The following SIPA1L1 variants were observed in gnomAD, a reference collection of about 807,000 sequenced individuals.
SIPA1L1 encodes the protein signal-induced proliferation-associated 1-like protein 1.
Under a neutral mutation model 162.7 loss-of-function variants are expected in SIPA1L1, and 26 were observed. The ratio of observed to expected loss-of-function variants is 0.16; its 90% CI spans 0.12 to 0.22. SIPA1L1 has a LOEUF of 0.22. Among genes scored for constraint, SIPA1L1 ranks in the 10% least tolerant of loss-of-function variants. The pLI is 1.00. For missense variants in SIPA1L1, 1,874 were observed against 2,241.0 expected (o/e 0.84, Z 3.31); for synonymous variants, 829 against 837.4 (o/e 0.99, Z 0.17).
At chr14:71,654,214 G>A (rs748710223) in intron 8 of SIPA1L1, among the ~76,000 whole-genome samples, 5 of 152,142 alleles carry the variant, frequency 3.3e-5, no homozygotes, top group Admixed American at 6.5e-5. Context: ...AAACAAGCAA[G>A]CTACAAATAA....
intron 7 of SIPA1L1, among the ~76,000 whole-genome samples, chr14:71,642,203 A>C (rs1596587046): frequency 6.6e-6 from 1 of 152,198 alleles, no homozygotes; most frequent in Admixed American, 6.5e-5. Flanking sequence ...GATGGGAAAC[A>C]AATGAGGTGA....
In SIPA1L1 at chr14:71,723,979, C is replaced by T. The variant is rs1188780681; in HGVS notation, c.4448+93C>T. 26 of 1,481,870 alleles carry T rather than the reference C, an allele frequency of 1.8e-5. No individual in the cohort carries two copies. The South Asian group carries it at 2.5e-4, about 14-fold the overall frequency. The allele number at this position is 1,481,870 out of a possible 1,614,324, so 91.8% of individuals were successfully genotyped here. A position where few individuals can be genotyped will look rare whatever the true frequency, so the allele number is the denominator to read the frequency against. ...CGTGATCTCTTACAACAAAAGAGGCCGGGCTAGGGGGTTGGCAGGAGTTGG... is the reference window on the plus strand; with the variant it reads ...CGTGATCTCTTACAACAAAAGAGGCTGGGCTAGGGGGTTGGCAGGAGTTGG... On this transcript the variant is annotated intron_variant, in intron 18 of 23. Transcript: ENST00000381232.
intron 2 of SIPA1L1, among the ~76,000 whole-genome samples, chr14:71,476,693 T>A (rs867024494): frequency 1.5e-5 from 2 of 130,080 alleles, no homozygotes; most frequent in African/African-American, 3.3e-5. Context: ...TTATTTATTT[T>A]TTGAGATGGA....
chr14:71,471,364 G>A (rs2047446101), intron 2 of SIPA1L1, among the ~76,000 whole-genome samples: 1 of 152,186 alleles, frequency 6.6e-6, no homozygotes, highest in South Asian at 2.1e-4. Context: ...AGCTTCTCGG[G>A]AGGCTGAGGC....
intron 2 of SIPA1L1, among the ~76,000 whole-genome samples, chr14:71,389,018 A>G (rs1362488654): frequency 6.6e-6 from 1 of 152,106 alleles, no homozygotes; most frequent in Admixed American, 6.6e-5. Flanking sequence ...AGGCTCAAGC[A>G]TTCCTTCTAG....
chr14:71,723,004 G>T (rs937538252), intron 17 of SIPA1L1, among the ~76,000 whole-genome samples: 1 of 152,248 alleles, frequency 6.6e-6, no homozygotes, highest in African/African-American at 2.4e-5. Context: ...CCAAAGTGCT[G>T]GGATTACAGG....
chr14:71,379,104 C>T (rs561319499), intron 2 of SIPA1L1, among the ~76,000 whole-genome samples: 3 of 152,224 alleles, frequency 2.0e-5, no homozygotes, highest in South Asian at 4.2e-4. Flanking sequence ...CCTCACACTT[C>T]GTTTTCAGCT....
intron 4 of SIPA1L1, among the ~76,000 whole-genome samples, chr14:71,577,192 T>A (rs2033181566): frequency 6.6e-6 from 1 of 152,034 alleles, no homozygotes; most frequent in African/African-American, 2.4e-5. Context: ...TATCAATAAA[T>A]ACTTTTTCTC....
intron 15 of SIPA1L1, chr14:71,704,784 G>A (rs774714846): frequency 1.9e-6 from 3 of 1,603,698 alleles, no homozygotes; most frequent in Non-Finnish European, 2.6e-6. Context: ...GAATATACAG[G>A]TAAAATATTT....
chr14:71,603,925 A>ATCTATC (rs1302543000), intron 5 of SIPA1L1, among the ~76,000 whole-genome samples: 207 of 144,402 alleles, frequency 1.4e-3, no homozygotes, highest in Non-Finnish European at 2.5e-3. Context: ...ATATAAATAT[A>ATCTATC]TATATATTTA....
intron 2 of SIPA1L1, among the ~76,000 whole-genome samples, chr14:71,396,039 A>G (rs1470564554): frequency 6.6e-6 from 1 of 152,088 alleles, no homozygotes; most frequent in Non-Finnish European, 1.5e-5. Context: ...TAGAGAAGGG[A>G]ACATAGTAGC....
At chr14:71,546,020 C>T (rs925612797) in intron 4 of SIPA1L1, among the ~76,000 whole-genome samples, 2 of 151,958 alleles carry the variant, frequency 1.3e-5, no homozygotes, top group African/African-American at 4.8e-5. Context: ...GAGTTCGAGG[C>T]TGCAGTGAGC....
intron 2 of SIPA1L1, among the ~76,000 whole-genome samples, chr14:71,349,416 C>T (rs1450985736): frequency 6.6e-6 from 1 of 152,168 alleles, no homozygotes; most frequent in African/African-American, 2.4e-5. Context: ...GACCTTGTTT[C>T]TGGGCCCCCT....
chr14:71,395,681 C>A (rs2041132245), intron 2 of SIPA1L1, among the ~76,000 whole-genome samples: 1 of 152,066 alleles, frequency 6.6e-6, no homozygotes, highest in Non-Finnish European at 1.5e-5. Flanking sequence ...AAGAGCTGGT[C>A]CTGCTGTAGA....
chr14:71,626,920 GA>G (rs2040051408), intron 7 of SIPA1L1, among the ~76,000 whole-genome samples: 1 of 151,880 alleles, frequency 6.6e-6, no homozygotes, highest in African/African-American at 2.4e-5. Context: ...AAAGTGAACA[GA>G]AAAATTAAAA....
At chr14:71,642,664 C>T (rs540751615) in intron 7 of SIPA1L1, among the ~76,000 whole-genome samples, 2 of 152,236 alleles carry the variant, frequency 1.3e-5, no homozygotes, top group African/African-American at 4.8e-5. Context: ...TTCATAATGT[C>T]TGACAGTCAA....
At chr14:71,463,495 C>T (rs1024338047) in intron 2 of SIPA1L1, among the ~76,000 whole-genome samples, 1 of 152,172 alleles carries the variant, frequency 6.6e-6, no homozygotes, top group African/African-American at 2.4e-5. Flanking sequence ...AGCCAGTATC[C>T]TGTAGTCCCT....
intron 2 of SIPA1L1, among the ~76,000 whole-genome samples, chr14:71,409,752 T>C (rs2042276390): frequency 6.6e-6 from 1 of 152,236 alleles, no homozygotes; most frequent in Non-Finnish European, 1.5e-5. Context: ...GCCATCACAT[T>C]GGCTACTTAG....
intron 4 of SIPA1L1, among the ~76,000 whole-genome samples, chr14:71,539,865 A>G (rs1567171891): frequency 2.0e-5 from 3 of 152,162 alleles, no homozygotes; most frequent in Admixed American, 2.0e-4. Context: ...AATTAAATCT[A>G]TTACTGTAGC....
Sources: gnomAD v4.1 joint callset for allele counts (sites outside exome capture counted in the v4.1 genomes callset) on GRCh38, gnomAD v4.1.1 for gene constraint, MANE v1.5 for transcripts, NCBI Gene and HGNC (gene_info 2026-07-23, HGNC 2026-07-21) for gene names.